The following SUGCT variants were observed in gnomAD, a reference collection of about 807,000 sequenced individuals.
The protein encoded by SUGCT is succinyl-CoA:glutarate-CoA transferase.
Under a neutral mutation model 55.0 loss-of-function variants are expected in SUGCT, and 41 were observed. That is an observed-to-expected ratio of 0.74 (90% CI 0.58 to 0.97). SUGCT has a LOEUF of 0.97. Ranked by LOEUF, SUGCT falls within the 50% of genes least tolerant of loss-of-function variation. SUGCT has a pLI of 0.00. For missense variants in SUGCT, 568 were observed against 547.8 expected, an observed-to-expected ratio of 1.04 and a Z score of -0.37; for synonymous variants, 187 against 200.4, an observed-to-expected ratio of 0.93 and a Z score of 0.56.
At chr7:40,216,094 A>G (rs1787616720) in intron 6 of SUGCT, among the ~76,000 whole-genome samples, 1 of 150,968 alleles carries the variant, frequency 6.6e-6, no homozygotes, top group African/African-American at 2.4e-5. Flanking sequence ...TACAGCTCTC[A>G]TCCACAGAGA....
At chr7:40,480,980 T>A (rs1320438131) in intron 11 of SUGCT, among the ~76,000 whole-genome samples, 1 of 152,036 alleles carries the variant, frequency 6.6e-6, no homozygotes, top group Non-Finnish European at 1.5e-5. Flanking sequence ...CACATAGATA[T>A]AATATGACCA....
chr7:40,502,042 G>C (rs559560525), intron 12 of SUGCT, among the ~76,000 whole-genome samples: 250 of 151,892 alleles, frequency 1.6e-3, no homozygotes, highest in African/African-American at 5.8e-3. Context: ...GATAATGGAG[G>C]GTTTCAGCTT....
At chr7:40,721,303 C>T (rs1786323610) in intron 12 of SUGCT, among the ~76,000 whole-genome samples, 2 of 152,208 alleles carry the variant, frequency 1.3e-5, no homozygotes, top group South Asian at 4.1e-4. Context: ...TATACTATGC[C>T]TCATTCAAGT....
intron 12 of SUGCT, among the ~76,000 whole-genome samples, chr7:40,676,497 G>GTTTTTTTTTTTTTTTTTTTTTT (rs1280564538): frequency 7.8e-6 from 1 of 127,642 alleles, no homozygotes; most frequent in Non-Finnish European, 1.6e-5. Context: ...TTGCGGTTTT[G>GTTTTTTTTTTTTTTTTTTTTTT]TTTTTTGTTT....
chr7:40,387,499 G>A (rs1426121369), intron 9 of SUGCT, among the ~76,000 whole-genome samples: 1 of 152,154 alleles, frequency 6.6e-6, no homozygotes, highest in East Asian at 1.9e-4. Flanking sequence ...TCTTGTGGAT[G>A]CTACTTTCTA....
intron 7 of SUGCT, among the ~76,000 whole-genome samples, chr7:40,273,044 A>G (rs1006764345): frequency 4.6e-5 from 7 of 152,156 alleles, no homozygotes; most frequent in African/African-American, 1.7e-4. Context: ...GGTCAATGTA[A>G]CTTTGAACTT....
rs192338136 is a variant in SUGCT, at chr7:40,339,450, C to T, written c.816+22595C>T. Among the ~76,000 whole-genome samples the T allele has an allele frequency of 2.5e-3, 377 of 152,258 alleles. 2 individuals are homozygous for T. The highest frequency in any genetic ancestry group is 3.7e-3 in the Non-Finnish European group (252 of 68,024). The stretch of plus-strand genomic sequence containing the variant: ...CTACTCAAGCCTCAGCAATGGTGGG[C>T]GCCCCTCTCCTAGCCTCACTGCCAT... On this transcript the variant is annotated intron_variant, in intron 9 of 13. Coordinates refer to ENST00000335693, the MANE Select transcript of SUGCT (RefSeq NM_001193313.2).
intron 9 of SUGCT, among the ~76,000 whole-genome samples, chr7:40,337,608 A>T (rs1447932543): frequency 6.6e-6 from 1 of 152,032 alleles, no homozygotes; most frequent in African/African-American, 2.4e-5. Context: ...TTGGTAGATC[A>T]TCCTCCATCC....
At chr7:40,827,914 C>T (rs571829828) in intron 13 of SUGCT, among the ~76,000 whole-genome samples, 2 of 152,054 alleles carry the variant, frequency 1.3e-5, no homozygotes, top group African/African-American at 4.8e-5. Flanking sequence ...AGAAGTTGCC[C>T]GTCTGTCACA....
chr7:40,257,476 A>G (rs1188278065), intron 7 of SUGCT, among the ~76,000 whole-genome samples: 1 of 152,218 alleles, frequency 6.6e-6, no homozygotes, highest in African/African-American at 2.4e-5. Flanking sequence ...AACATTTCAA[A>G]GAAATGTTAA....
At chr7:40,855,680 T>C (rs1794134721) in intron 13 of SUGCT, among the ~76,000 whole-genome samples, 1 of 152,228 alleles carries the variant, frequency 6.6e-6, no homozygotes, top group South Asian at 2.1e-4. Context: ...TTGAGGATGT[T>C]TTCCACTTTT....
intron 9 of SUGCT, among the ~76,000 whole-genome samples, chr7:40,353,311 G>A (rs1797733027): frequency 6.6e-6 from 1 of 152,158 alleles, no homozygotes; most frequent in African/African-American, 2.4e-5. Context: ...TAGACCAGCA[G>A]CATAGATCTC....
At chr7:40,316,634 T>G (rs1416495402) in intron 8 of SUGCT, 126 bp from the exon 9 acceptor site, 2 of 588,880 alleles carry the variant, frequency 3.4e-6, no homozygotes, top group Admixed American at 6.5e-5. Context: ...ATTTTCTAAC[T>G]TGATGGACAG....
the SUGCT span, among the ~76,000 whole-genome samples, chr7:40,995,285 C>T: frequency 1.3e-5 from 2 of 152,032 alleles, no homozygotes; most frequent in African/African-American, 2.4e-5. Context: ...TTCTCCAACA[C>T]TCATTAAGCA....
intron 9 of SUGCT, among the ~76,000 whole-genome samples, chr7:40,334,670 A>G (rs1796572711): frequency 6.6e-6 from 1 of 152,182 alleles, no homozygotes; most frequent in Non-Finnish European, 1.5e-5. Context: ...TCAGATGAGT[A>G]GATTGCAAAA....
the SUGCT span, among the ~76,000 whole-genome samples, chr7:40,986,822 C>T: frequency 6.6e-6 from 1 of 152,092 alleles, no homozygotes; most frequent in Admixed American, 6.6e-5. Flanking sequence ...ATGCAATTCT[C>T]CCTAACTGAA....
intron 12 of SUGCT, among the ~76,000 whole-genome samples, chr7:40,705,117 C>T (rs1368248331): frequency 2.0e-5 from 3 of 152,116 alleles, no homozygotes; most frequent in Admixed American, 2.0e-4. Context: ...ACACCAAGTT[C>T]AGCTGTTTTT....
chr7:40,230,096 A>G (rs559155810), intron 6 of SUGCT, among the ~76,000 whole-genome samples: 1 of 152,290 alleles, frequency 6.6e-6, no homozygotes, highest in African/African-American at 2.4e-5. Context: ...TGAACTCATT[A>G]CCAGGATAGG....
At chr7:40,443,185 G>A (rs994188224) in intron 9 of SUGCT, among the ~76,000 whole-genome samples, 10 of 152,232 alleles carry the variant, frequency 6.6e-5, no homozygotes, top group Middle Eastern at 3.4e-3. Context: ...GTAAACATAC[G>A]TGTGCACGTG....
Sources: allele counts gnomAD v4.1 joint callset (sites outside exome capture counted in the v4.1 genomes callset), GRCh38; gene constraint gnomAD v4.1.1; transcripts MANE v1.5; gene names NCBI Gene and HGNC (gene_info 2026-07-23, HGNC 2026-07-21).